The following CSMD2 variants were observed in gnomAD, a reference collection of about 807,000 sequenced individuals.
CSMD2 encodes the protein CUB and Sushi multiple domains 2.
In CSMD2, 130 loss-of-function variants were observed where a neutral mutation model predicts 398.5. The ratio of observed to expected loss-of-function variants is 0.33; its 90% CI spans 0.28 to 0.38. The LOEUF (loss-of-function observed/expected upper bound fraction) is 0.38. CSMD2 is among the 10% of genes least tolerant of loss of function. The pLI is 1.00. For synonymous variants in CSMD2, 1,828 were observed against 1,908.5 expected (o/e 0.96, Z 1.10); for missense variants, 3,829 against 4,764.9 (o/e 0.80, Z 5.78).
At chr1:33,587,275 C>T (rs754425652) in intron 44 of CSMD2, 107 bp from the exon 45 acceptor site, 10 of 861,532 alleles carry the variant, frequency 1.2e-5, no homozygotes, top group Non-Finnish European at 1.8e-5. Flanking sequence ...TATTCACACA[C>T]AGATATTCAT....
At chr1:33,872,564 G>T (rs1640551548) in intron 5 of CSMD2, among the ~76,000 whole-genome samples, 1 of 152,150 alleles carries the variant, frequency 6.6e-6, no homozygotes, top group African/African-American at 2.4e-5. Flanking sequence ...ATCTTTTCAA[G>T]AGGCTCAGGT....
chr1:33,724,544 C>T lies in CSMD2; in HGVS notation c.2856G>A (p.Gln952=). The T allele has an allele frequency of 6.2e-7, 1 of 1,614,158 alleles. No homozygotes were observed. Among genetic ancestry groups the T allele is most frequent in the Non-Finnish European group, 8.5e-7 (1 of 1,180,006 alleles). ...CACAACTGGGCAGGGCCCGGCTCCA[C>T]TGGAAGTTGGGCTCACACTCCAGAG... is the stretch of plus-strand genomic sequence containing the variant. ...GEPLECEPNF[Q]WSRALPSCEA... is the part of the protein sequence containing the mutation. Residue 952 remains glutamine (Q), a synonymous_variant, in exon 18 of 71, where the codon CAG becomes CAA. Coordinates refer to ENST00000373381, the MANE Select transcript of CSMD2 (RefSeq NM_001281956.2).
At position 33,820,483 on chromosome 1, in the gene CSMD2, T is replaced by C; in HGVS notation, c.1185A>G (p.Leu395=). The C allele has an allele frequency of 1.2e-6, 2 of 1,608,520 alleles. No individual in the cohort carries two copies. The highest frequency in any genetic ancestry group is 8.5e-7 in the Non-Finnish European group (1 of 1,177,310). ...ATAGATCTTACCTGAAATCCGAGCC[T>C]AGTCTTTTGCCCCTTTCGGGTATGC... The part of the protein sequence containing the change: ...DPGIPERGKR[L]GSDFRLGSSV... The change falls in exon 8 of 71, where the codon CTA becomes CTG. Residue 395 remains leucine (L), a synonymous_variant. Coordinates refer to ENST00000373381, the MANE Select transcript of CSMD2 (RefSeq NM_001281956.2).
chr1:33,823,594 T>G (rs1658428391), intron 7 of CSMD2, among the ~76,000 whole-genome samples: 1 of 151,798 alleles, frequency 6.6e-6, no homozygotes, highest in Non-Finnish European at 1.5e-5. Context: ...GAGTCACAGG[T>G]GGGTGGGTGG....
chr1:33,832,157 T>G lies in CSMD2; in HGVS notation c.1034-6383A>C, dbSNP rs7366520. Among the ~76,000 whole-genome samples the G allele has an allele frequency of 7.2e-5, 9 of 125,492 alleles. No individual in the cohort carries two copies. In the South Asian group the frequency reaches 2.9e-3, roughly 40 times the overall value. The allele number at this position is 125,492 out of a possible 152,430, so 82.3% of individuals were successfully genotyped here. On this transcript the variant is annotated intron_variant, in intron 6 of 70. Coordinates refer to ENST00000373381, the MANE Select transcript of CSMD2 (RefSeq NM_001281956.2). ...GAATTGAACTCAGCTCTGCACCAAG[T>G]GGACCTAATAGACATCTACAGAACT... is the stretch of plus-strand genomic sequence containing the variant.
chr1:33,807,688 A>G (rs1409013209), intron 10 of CSMD2, among the ~76,000 whole-genome samples: 2 of 152,186 alleles, frequency 1.3e-5, no homozygotes, highest in Non-Finnish European at 2.9e-5. Context: ...GTGTCCTAAG[A>G]TCCTTGGCTT....
chr1:33,996,357 G>A (rs1013176683), intron 3 of CSMD2, among the ~76,000 whole-genome samples: 3 of 152,186 alleles, frequency 2.0e-5, no homozygotes, highest in Non-Finnish European at 4.4e-5. Context: ...GAATCCCTCC[G>A]CCCTGGCTTT....
intron 2 of CSMD2, among the ~76,000 whole-genome samples, chr1:34,076,924 A>ATATAT (rs1181112693): frequency 9.5e-6 from 1 of 105,180 alleles, no homozygotes; most frequent in Non-Finnish European, 1.9e-5. Flanking sequence ...AAAAAAAAAA[A>ATATAT]AAAAATATAT....
chr1:33,646,823 C>T lies in CSMD2; in HGVS notation c.4599G>A (p.Glu1533=). 1 of 1,611,662 alleles carries T rather than the reference C, an allele frequency of 6.2e-7. No homozygotes were observed. The highest frequency in any genetic ancestry group is 8.5e-7 in the Non-Finnish European group (1 of 1,178,752). ...IALVFNIFNL[E]PGYDFLHIYD... is the part of the protein sequence containing the mutation. ...AGATATGGAGGAAGTCATAGCCAGG[C>T]TCCAGGTTAAAGCTGGGGAACAAAA... Residue 1533 remains glutamate, a synonymous_variant, in exon 29 of 71, where the codon GAG becomes GAA. Coordinates refer to ENST00000373381, the MANE Select transcript of CSMD2 (RefSeq NM_001281956.2).
intron 5 of CSMD2, among the ~76,000 whole-genome samples, chr1:33,890,282 G>A (rs1428661557): frequency 6.9e-6 from 1 of 144,118 alleles, no homozygotes; most frequent in Non-Finnish European, 1.5e-5. Context: ...CCAGGCTGGA[G>A]TGCAGTGGAG....
chr1:33,652,841 G>A (rs537667798), intron 27 of CSMD2, among the ~76,000 whole-genome samples: 37 of 152,248 alleles, frequency 2.4e-4, no homozygotes, highest in African/African-American at 3.4e-4. Flanking sequence ...TGCAAGCTCC[G>A]CCTCCCAGGT....
chr1:33,865,110 C>G (rs971011892), intron 5 of CSMD2, among the ~76,000 whole-genome samples: 1 of 151,262 alleles, frequency 6.6e-6, no homozygotes, highest in East Asian at 2.0e-4. Flanking sequence ...GAGGTAGAAG[C>G]ACCGTGGTTC....
At chr1:33,739,487 C>T (rs564567881) in intron 14 of CSMD2, among the ~76,000 whole-genome samples, 153 bp from the exon 15 acceptor site, 10 of 152,366 alleles carry the variant, frequency 6.6e-5, no homozygotes, top group African/African-American at 2.2e-4. Context: ...CATTCTAGGA[C>T]CTCGGCATTA....
chr1:33,661,479 T>G (rs916593747), intron 26 of CSMD2, among the ~76,000 whole-genome samples: 2 of 152,182 alleles, frequency 1.3e-5, no homozygotes, highest in Admixed American at 1.3e-4. Context: ...TTAAGGGCAT[T>G]AGCATAGCAA....
At chr1:33,522,283 C>T (rs953816842) in intron 67 of CSMD2, among the ~76,000 whole-genome samples, 4 of 152,216 alleles carry the variant, frequency 2.6e-5, no homozygotes, top group Admixed American at 6.5e-5. Context: ...AAAGGCTCGA[C>T]GCTTGTCTGG....
intron 25 of CSMD2, among the ~76,000 whole-genome samples, chr1:33,672,432 C>T (rs1411585701): frequency 2.0e-5 from 3 of 152,214 alleles, no homozygotes; most frequent in Admixed American, 6.5e-5. Flanking sequence ...CCTGCCATTG[C>T]CCAGGCTTGA....
intron 10 of CSMD2, among the ~76,000 whole-genome samples, chr1:33,808,515 T>C (rs963483937): frequency 6.6e-6 from 1 of 151,912 alleles, no homozygotes; most frequent in African/African-American, 2.4e-5. Context: ...GATGAAACAA[T>C]AATGTAAATT....
chr1:33,840,696 T>G (rs1050235821), intron 6 of CSMD2, among the ~76,000 whole-genome samples: 2 of 152,228 alleles, frequency 1.3e-5, no homozygotes, highest in Non-Finnish European at 2.9e-5. Flanking sequence ...TGCCATATTT[T>G]GTGTGCCTAC....
chr1:33,978,075 A>C (rs1435658534), intron 3 of CSMD2, among the ~76,000 whole-genome samples: 1 of 152,112 alleles, frequency 6.6e-6, no homozygotes, highest in African/African-American at 2.4e-5. Flanking sequence ...GCAGCAACTC[A>C]GCAAGGTGGA....
Sources: gnomAD v4.1 joint callset for allele counts (sites outside exome capture counted in the v4.1 genomes callset) on GRCh38, gnomAD v4.1.1 for gene constraint, MANE v1.5 for transcripts, NCBI Gene and HGNC (gene_info 2026-07-23, HGNC 2026-07-21) for gene names.